Variants in STX18 observed in about 807,000 individuals in gnomAD.
STX18 encodes syntaxin 18, also known as syntaxin-18.
In STX18, 40 loss-of-function variants were observed where a neutral mutation model predicts 50.1. The observed-to-expected ratio is 0.80, with a 90% CI of 0.62 to 1.04. The LOEUF is 1.04. STX18 is among the 50% of genes least tolerant of loss of function. The pLI, the probability that STX18 is intolerant of heterozygous loss-of-function variation, is 0.00. For synonymous variants in STX18, 158 were observed against 151.8 expected (o/e 1.04, Z -0.30); for missense variants, 410 against 415.8 (o/e 0.99, Z 0.12).
At chr4:4,459,346 TG>T (rs1727255802) in intron 3 of STX18, 25 bp downstream of exon 3, 1 of 1,555,504 alleles carries the variant, frequency 6.4e-7, no homozygotes, top group African/African-American at 1.4e-5. Flanking sequence ...CATGGTTGCT[TG>T]TTTGCATCTT....
chr4:4,448,309 C>T (rs2108803915), intron 5 of STX18, among the ~76,000 whole-genome samples: 1 of 151,850 alleles, frequency 6.6e-6, no homozygotes, highest in East Asian at 1.9e-4. Context: ...TCTAGAATGC[C>T]ACTTATTTTT....
intron 1 of STX18, among the ~76,000 whole-genome samples, chr4:4,485,624 G>C (rs1728662810): frequency 6.6e-6 from 1 of 152,148 alleles, no homozygotes; most frequent in South Asian, 2.1e-4. Flanking sequence ...CAAAACCAAT[G>C]ATGGGAACGG....
chr4:4,527,553 T>C (rs919460241), intron 1 of STX18, among the ~76,000 whole-genome samples: 23 of 151,906 alleles, frequency 1.5e-4, no homozygotes, highest in Non-Finnish European at 2.9e-4. Flanking sequence ...AAACAAAAAC[T>C]GGAGAAGGAC....
intron 7 of STX18, among the ~76,000 whole-genome samples, chr4:4,427,023 T>C (rs993873021): frequency 3.3e-5 from 5 of 152,216 alleles, no homozygotes; most frequent in African/African-American, 1.2e-4. Context: ...TTTCTCACTC[T>C]TGTTACCAAG....
At chr4:4,447,312 G>A (rs538979318) in intron 5 of STX18, among the ~76,000 whole-genome samples, 167 of 150,244 alleles carry the variant, frequency 1.1e-3, no homozygotes, top group Non-Finnish European at 1.3e-3. Flanking sequence ...GCTCTGGGCC[G>A]GGCGCGGTGG....
intron 7 of STX18, among the ~76,000 whole-genome samples, chr4:4,428,744 C>G (rs552679475): frequency 6.6e-6 from 1 of 152,164 alleles, no homozygotes; most frequent in East Asian, 1.9e-4. Flanking sequence ...GTATCTGTCT[C>G]TTTGTGGCCA....
intron 1 of STX18, among the ~76,000 whole-genome samples, chr4:4,516,108 G>C (rs1730256303): frequency 6.6e-6 from 1 of 152,172 alleles, no homozygotes; most frequent in Non-Finnish European, 1.5e-5. Context: ...CCCTATGTTT[G>C]TTCATTGCCT....
intron 6 of STX18, among the ~76,000 whole-genome samples, chr4:4,438,169 C>A (rs1725891246): frequency 6.6e-6 from 1 of 152,220 alleles, no homozygotes; most frequent in African/African-American, 2.4e-5. Context: ...TCTCCCGGAC[C>A]CCGCCAGCTC....
chr4:4,428,049 G>C (rs1380274022), intron 7 of STX18, among the ~76,000 whole-genome samples: 1 of 152,224 alleles, frequency 6.6e-6, no homozygotes, highest in Non-Finnish European at 1.5e-5. Context: ...CAGGGCCCAG[G>C]ACAATTAGAT....
intron 1 of STX18, among the ~76,000 whole-genome samples, chr4:4,523,193 A>G (rs1478679846): frequency 6.6e-6 from 1 of 152,202 alleles, no homozygotes; most frequent in Non-Finnish European, 1.5e-5. Flanking sequence ...CTCTAATCCA[A>G]GTAAAAACAA....
At chr4:4,476,005 C>T (rs1450555584) in intron 1 of STX18, 1 of 152,312 alleles carries the variant, frequency 6.6e-6, no homozygotes, top group Non-Finnish European at 1.5e-5. Context: ...TAAGTATATA[C>T]ATCAAGAGAA....
chr4:4,540,157 GA>G (rs34701157), intron 1 of STX18, among the ~76,000 whole-genome samples: 4,620 of 151,912 alleles, frequency 0.03, 94 homozygotes, highest in Non-Finnish European at 0.045. Flanking sequence ...AGGAGGAGGA[GA>G]AAAAAAGGAC....
chr4:4,515,675 T>C (rs904396481), intron 1 of STX18, among the ~76,000 whole-genome samples: 2 of 152,210 alleles, frequency 1.3e-5, no homozygotes, highest in African/African-American at 4.8e-5. Flanking sequence ...CATGTATTTT[T>C]GGAGACATTA....
chr4:4,477,078 A>G (rs1728217906), intron 1 of STX18, among the ~76,000 whole-genome samples: 1 of 151,760 alleles, frequency 6.6e-6, no homozygotes, highest in Admixed American at 6.6e-5. Flanking sequence ...AAAACAACAA[A>G]ACAAAACAAA....
At chr4:4,528,274 C>T (rs1730897425) in intron 1 of STX18, among the ~76,000 whole-genome samples, 1 of 152,058 alleles carries the variant, frequency 6.6e-6, no homozygotes, top group Admixed American at 6.6e-5. Flanking sequence ...TTGATGTGAT[C>T]CCCAATATTG....
At chr4:4,524,496 G>A (rs7694985) in intron 1 of STX18, among the ~76,000 whole-genome samples, 1,671 of 152,342 alleles carry the variant, frequency 0.011, 29 homozygotes, top group African/African-American at 0.038. Context: ...GAGCCAGTAA[G>A]AGAAAGTGAA....
intron 6 of STX18, 40 bp downstream of exon 6, chr4:4,438,354 A>G: frequency 6.8e-7 from 1 of 1,473,794 alleles, no homozygotes; most frequent in Non-Finnish European, 9.5e-7. Context: ...ACATGTCACA[A>G]GGAAGAAATG....
intron 1 of STX18, among the ~76,000 whole-genome samples, chr4:4,540,751 C>T (rs1731548624): frequency 6.6e-6 from 1 of 152,162 alleles, no homozygotes; most frequent in African/African-American, 2.4e-5. Flanking sequence ...CTGGTCCAAT[C>T]CCCTTTCTAA....
chr4:4,481,936 G>A (rs777693153), intron 1 of STX18, among the ~76,000 whole-genome samples: 12 of 152,254 alleles, frequency 7.9e-5, no homozygotes, highest in South Asian at 4.1e-4. Context: ...AGCAGTTGTT[G>A]AGTAAGCAAC....
Sources: gnomAD v4.1 joint callset for allele counts (sites outside exome capture counted in the v4.1 genomes callset) on GRCh38, gnomAD v4.1.1 for gene constraint, MANE v1.5 for transcripts, NCBI Gene and HGNC (gene_info 2026-07-23, HGNC 2026-07-21) for gene names.